The following NRDC variants were observed in gnomAD, a reference collection of about 807,000 sequenced individuals.
The protein encoded by NRDC is nardilysin convertase.
NRDC carries 54 observed loss-of-function variants against 147.1 expected under a neutral mutation model. That is an observed-to-expected ratio of 0.37 (90% CI 0.29 to 0.46). The LOEUF (loss-of-function observed/expected upper bound fraction) is 0.46. NRDC is among the 20% of genes least tolerant of loss of function. NRDC has a pLI of 1.00. For missense variants in NRDC, 1,082 were observed against 1,370.6 expected, an observed-to-expected ratio of 0.79 and a Z score of 3.33; for synonymous variants, 440 against 482.1, an observed-to-expected ratio of 0.91 and a Z score of 1.14.
intron 1 of NRDC, among the ~76,000 whole-genome samples, chr1:51,870,325 A>T (rs1192937973): frequency 6.6e-6 from 1 of 152,242 alleles, no homozygotes; most frequent in Non-Finnish European, 1.5e-5. Context: ...TTGTGTCAAC[A>T]CAACTGACAC....
chr1:51,836,328 C>A lies in NRDC; in HGVS notation c.631-116G>T, dbSNP rs571141004. The A allele has an allele frequency of 1.4e-5, 22 of 1,602,308 alleles. No individual in the cohort carries two copies. In the South Asian group the frequency reaches 1.8e-4, roughly 13 times the overall value. On this transcript the variant is annotated intron_variant, in intron 2 of 30. Transcript: ENST00000352171. ...GTTTTCCAATAGGAGTAACAAAATT[C>A]TTTCCCTGAGAATCAGGAGGAGCAG...
At chr1:51,853,509 A>C (rs750734046) in intron 1 of NRDC, among the ~76,000 whole-genome samples, 1 of 152,224 alleles carries the variant, frequency 6.6e-6, no homozygotes, top group African/African-American at 2.4e-5. Flanking sequence ...CCAGGTACTA[A>C]AAAGATGGAT....
At chr1:51,796,996 C>T (rs1002926504) in intron 22 of NRDC, among the ~76,000 whole-genome samples, 4 of 151,380 alleles carry the variant, frequency 2.6e-5, no homozygotes, top group Admixed American at 6.6e-5. Flanking sequence ...GTCAGGAGAT[C>T]GAGACCATCC....
chr1:51,791,440 C>A, intron 27 of NRDC, 138 bp downstream of exon 27: 1 of 698,320 alleles, frequency 1.4e-6, no homozygotes, highest in South Asian at 1.6e-5. Context: ...CTATAACAAC[C>A]CCCATCTTCC....
At chr1:51,799,988 T>C (rs2149191439) in intron 21 of NRDC, among the ~76,000 whole-genome samples, 1 of 152,332 alleles carries the variant, frequency 6.6e-6, no homozygotes, top group South Asian at 2.1e-4. Context: ...TGTTTGTTTT[T>C]CTATGAGACA....
chr1:51,810,532 G>T (rs1679667629), intron 15 of NRDC, 128 bp from the exon 16 acceptor site: 1 of 739,072 alleles, frequency 1.4e-6, no homozygotes, highest in Non-Finnish European at 2.1e-6. Flanking sequence ...TACAGTTCAT[G>T]AACACCCTAA....
chr1:51,847,666 G>A (rs1014583539), intron 1 of NRDC, among the ~76,000 whole-genome samples: 24 of 152,190 alleles, frequency 1.6e-4, no homozygotes, highest in African/African-American at 4.1e-4. Context: ...CTCTGAGTGC[G>A]GGCCCGCCAA....
intron 1 of NRDC, among the ~76,000 whole-genome samples, chr1:51,874,070 C>T (rs1683211142): frequency 6.7e-6 from 1 of 148,592 alleles, no homozygotes; most frequent in Non-Finnish European, 1.5e-5. Flanking sequence ...CATGGTGGGG[C>T]AGGTTGTGAT....
chr1:51,850,193 AAAT>A, intron 1 of NRDC, among the ~76,000 whole-genome samples: 1 of 152,078 alleles, frequency 6.6e-6, no homozygotes, highest in Non-Finnish European at 1.5e-5. Flanking sequence ...AAATAATAAT[AAAT>A]AAATAAATAA....
At chr1:51,816,779 TGG>T (rs1012217962) in intron 10 of NRDC, among the ~76,000 whole-genome samples, 3 of 152,148 alleles carry the variant, frequency 2.0e-5, no homozygotes, top group Non-Finnish European at 4.4e-5. Flanking sequence ...TTGGGTTCTG[TGG>T]TAAAATGAAA....
chr1:51,812,960 T>C (rs1328114118), intron 14 of NRDC, among the ~76,000 whole-genome samples: 1 of 16,520 alleles, frequency 6.1e-5, no homozygotes, highest in Non-Finnish European at 1.2e-4. Flanking sequence ...AGACTCTGTC[T>C]CAAAAAAAAA....
At chr1:51,858,593 GGATAAAATGTT>G (rs1414726597) in intron 1 of NRDC, among the ~76,000 whole-genome samples, 1 of 152,058 alleles carries the variant, frequency 6.6e-6, no homozygotes, top group Non-Finnish European at 1.5e-5. Flanking sequence ...ACGATATCCT[GGATAAAATGTT>G]GATAAAATGT....
intron 1 of NRDC, among the ~76,000 whole-genome samples, chr1:51,845,381 T>C (rs1681503135): frequency 2.0e-5 from 3 of 152,062 alleles, no homozygotes; most frequent in African/African-American, 7.2e-5. Flanking sequence ...TCACTTGAGG[T>C]CGGGAGTTAA....
chr1:51,845,699 A>G (rs1681525657), intron 1 of NRDC, among the ~76,000 whole-genome samples: 1 of 152,192 alleles, frequency 6.6e-6, no homozygotes, highest in Non-Finnish European at 1.5e-5. Context: ...CTTTTATCCT[A>G]CTTTAACCTT....
At chr1:51,847,428 G>A (rs907387018) in intron 1 of NRDC, among the ~76,000 whole-genome samples, 8 of 152,240 alleles carry the variant, frequency 5.3e-5, no homozygotes, top group Non-Finnish European at 1.2e-4. Context: ...GTGGAGCAGG[G>A]GGCGGCGCTC....
At chr1:51,829,283 T>C (rs1220844618) in intron 4 of NRDC, among the ~76,000 whole-genome samples, 1 of 152,230 alleles carries the variant, frequency 6.6e-6, no homozygotes, top group Non-Finnish European at 1.5e-5. Context: ...TGGGCTCAAG[T>C]GATCCACCTG....
rs201095710 is a variant in NRDC, at chr1:51,834,152, A to C, written c.731T>G (p.Leu244Trp). 531 of 1,614,012 alleles carry C rather than the reference A, an allele frequency of 3.3e-4. 1 individual carries two copies. Among genetic ancestry groups the C allele is most frequent in the South Asian group, 8.2e-4 (75 of 91,082 alleles). ...FLEHMVFMGS[L>W]KYPDENGFDA... Reference sequence around the variant, plus strand: ...AAATCCATTCTCATCTGGATATTTCAAACTACCCATGAATACCACTAAATG... The same window carrying C: ...AAATCCATTCTCATCTGGATATTTCCAACTACCCATGAATACCACTAAATG... The change falls in exon 4 of 31, where the codon TTG becomes TGG. Residue 244 changes from leucine (L) to tryptophan (W), a missense_variant. Physicochemically the swap from Leu to Trp is moderately conservative, Grantham distance 61. Around this residue, in one of 3 missense-constraint regions of NRDC, gnomAD observed 635 missense variants for 923.8 expected, o/e 0.69. Coordinates refer to ENST00000352171, the MANE Select transcript of NRDC (RefSeq NM_001101662.2).
At chr1:51,822,299 T>C (rs918794020) in intron 7 of NRDC, among the ~76,000 whole-genome samples, 4 of 152,126 alleles carry the variant, frequency 2.6e-5, no homozygotes, top group African/African-American at 7.2e-5. Flanking sequence ...ATTTATATTA[T>C]TTATATAGAT....
chr1:51,833,875 A>G (rs1680827160), intron 4 of NRDC, 142 bp downstream of exon 4: 1 of 713,998 alleles, frequency 1.4e-6, no homozygotes. Context: ...TCAGCCTCCC[A>G]AAGTACTTGA....
Sources: allele counts gnomAD v4.1 joint callset (sites outside exome capture counted in the v4.1 genomes callset), GRCh38; gene constraint gnomAD v4.1.1; regional missense constraint gnomAD v4.1.1; transcripts MANE v1.5; gene names NCBI Gene and HGNC (gene_info 2026-07-23, HGNC 2026-07-21).